The following CCDC91 variants were observed in gnomAD, a reference collection of about 807,000 sequenced individuals.
CCDC91 encodes the protein coiled-coil domain containing 91.
CCDC91 carries 48 observed loss-of-function variants against 63.2 expected under a neutral mutation model. That is an observed-to-expected ratio of 0.76 (90% CI 0.60 to 0.97). CCDC91 has a LOEUF of 0.97. CCDC91 is among the 50% of genes least tolerant of loss of function. The pLI, the probability that CCDC91 is intolerant of heterozygous loss-of-function variation, is 0.00. For missense variants in CCDC91, 500 were observed against 494.6 expected (o/e 1.01, Z -0.10); for synonymous variants, 167 against 165.8 (o/e 1.01, Z -0.06).
intron 6 of CCDC91, among the ~76,000 whole-genome samples, chr12:28,318,527 C>A (rs1344514669): frequency 6.6e-6 from 1 of 151,836 alleles, no homozygotes. Flanking sequence ...AGTGACAGAG[C>A]CAGACCCTGT....
chr12:28,521,147 A>C (rs925037725), intron 12 of CCDC91, among the ~76,000 whole-genome samples: 3 of 152,188 alleles, frequency 2.0e-5, no homozygotes, highest in South Asian at 2.1e-4. Flanking sequence ...CATTGAATCT[A>C]TAAATTACCT....
intron 12 of CCDC91, among the ~76,000 whole-genome samples, chr12:28,514,999 A>G (rs1939787739): frequency 6.6e-6 from 1 of 151,826 alleles, no homozygotes; most frequent in Non-Finnish European, 1.5e-5. Flanking sequence ...AAATATGCAC[A>G]TAGACCCCTC....
chr12:28,472,378 G>A (rs894227871), intron 11 of CCDC91, among the ~76,000 whole-genome samples: 1 of 152,136 alleles, frequency 6.6e-6, no homozygotes, highest in Non-Finnish European at 1.5e-5. Context: ...AAGACAGAAG[G>A]CTTTATGGGC....
At chr12:28,248,664 G>T (rs1048585330) in intron 1 of CCDC91, among the ~76,000 whole-genome samples, 2 of 152,214 alleles carry the variant, frequency 1.3e-5, no homozygotes, top group African/African-American at 4.8e-5. Context: ...ATAATAAAAA[G>T]GATGTAATTG....
At chr12:28,246,112 T>C (rs918794459) in intron 1 of CCDC91, among the ~76,000 whole-genome samples, 1 of 152,074 alleles carries the variant, frequency 6.6e-6, no homozygotes, top group African/African-American at 2.4e-5. Context: ...CAACATAATA[T>C]CATAAGAAAA....
intron 1 of CCDC91, among the ~76,000 whole-genome samples, chr12:28,221,396 C>T (rs569439919): frequency 9.9e-5 from 15 of 152,054 alleles, no homozygotes; most frequent in Non-Finnish European, 1.9e-4. Flanking sequence ...GATTTTTCTC[C>T]TGGTTATGCG....
intron 8 of CCDC91, among the ~76,000 whole-genome samples, chr12:28,399,309 C>T (rs1946475261): frequency 1.3e-5 from 2 of 152,140 alleles, no homozygotes; most frequent in Admixed American, 6.5e-5. Context: ...ACCATCAGAT[C>T]TTGTGAGAAC....
intron 11 of CCDC91, among the ~76,000 whole-genome samples, chr12:28,457,089 T>C (rs190747020): frequency 2.6e-5 from 4 of 152,218 alleles, no homozygotes; most frequent in East Asian, 1.9e-4. Context: ...TGTGTCACCC[T>C]GTAACCCATG....
At chr12:28,513,664 G>A (rs1939621939) in intron 12 of CCDC91, among the ~76,000 whole-genome samples, 1 of 151,756 alleles carries the variant, frequency 6.6e-6, no homozygotes, top group South Asian at 2.1e-4. Context: ...CAGATAAACT[G>A]ACCCTTAATT....
At chr12:28,354,231 G>A (rs904545915) in intron 6 of CCDC91, among the ~76,000 whole-genome samples, 5 of 152,076 alleles carry the variant, frequency 3.3e-5, no homozygotes, top group African/African-American at 9.7e-5. Flanking sequence ...ATTTCTTTAC[G>A]TCTTCCGGCT....
intron 7 of CCDC91, among the ~76,000 whole-genome samples, chr12:28,377,593 A>C: frequency 6.6e-6 from 1 of 151,938 alleles, no homozygotes; most frequent in South Asian, 2.1e-4. Flanking sequence ...TTAGTTACTT[A>C]TTATTACATT....
intron 3 of CCDC91, among the ~76,000 whole-genome samples, chr12:28,275,913 A>G (rs977280206): frequency 6.6e-6 from 1 of 152,140 alleles, no homozygotes; most frequent in African/African-American, 2.4e-5. Flanking sequence ...CTTTGACAAA[A>G]TTCAACAACC....
At chr12:28,546,089 A>T (rs375022655) in intron 12 of CCDC91, among the ~76,000 whole-genome samples, 11 of 152,122 alleles carry the variant, frequency 7.2e-5, no homozygotes, top group Admixed American at 5.9e-4. Flanking sequence ...AACACCCATG[A>T]AGCCACCTCC....
intron 12 of CCDC91, among the ~76,000 whole-genome samples, chr12:28,525,237 G>C (rs1941157615): frequency 6.6e-6 from 1 of 151,956 alleles, no homozygotes. Context: ...TAGGCGTTTA[G>C]GGCTGTAAAC....
chr12:28,331,239 C>A (rs11049537), intron 6 of CCDC91, among the ~76,000 whole-genome samples: 31,371 of 152,128 alleles, frequency 0.21, 4,122 homozygotes, highest in Non-Finnish European at 0.3. Context: ...TCTAGCCCCA[C>A]AGTATGTTTA....
intron 8 of CCDC91, among the ~76,000 whole-genome samples, chr12:28,420,163 G>A (rs533089168): frequency 2.6e-5 from 4 of 152,098 alleles, no homozygotes; most frequent in Non-Finnish European, 5.9e-5. Context: ...GTAACTAATA[G>A]GTAACAAAAT....
At chr12:28,335,240 T>TTATATAATATATAATACATATAA (rs1565815106) in intron 6 of CCDC91, among the ~76,000 whole-genome samples, 19 of 137,212 alleles carry the variant, frequency 1.4e-4, no homozygotes, top group Admixed American at 9.3e-4. Context: ...CATAGTATAC[T>TTATATAATATATAATACATATAA]TATATAATAT....
intron 12 of CCDC91, among the ~76,000 whole-genome samples, chr12:28,500,572 A>T (rs1173516522): frequency 6.6e-6 from 1 of 151,756 alleles, no homozygotes; most frequent in African/African-American, 2.4e-5. Flanking sequence ...GTCATTTCTC[A>T]CTAGGCTCAT....
chr12:28,465,683 G>T (rs1188113143), intron 11 of CCDC91, among the ~76,000 whole-genome samples: 1 of 152,126 alleles, frequency 6.6e-6, no homozygotes, highest in East Asian at 1.9e-4. Context: ...TATTTGGAAA[G>T]CCTTCCCCAG....
Sources: allele counts gnomAD v4.1 joint callset (sites outside exome capture counted in the v4.1 genomes callset), GRCh38; gene constraint gnomAD v4.1.1; transcripts MANE v1.5; gene names NCBI Gene and HGNC (gene_info 2026-07-23, HGNC 2026-07-21).